Variants in NRG1 observed in about 807,000 individuals in gnomAD.
The protein encoded by NRG1 is neuregulin 1, also known as pro-neuregulin-1, membrane-bound isoform.
NRG1 carries 18 observed loss-of-function variants against 63.8 expected under a neutral mutation model. The observed-to-expected ratio is 0.28, with a 90% CI of 0.19 to 0.42. NRG1 has a LOEUF of 0.42. NRG1 is among the 10% of genes least tolerant of loss of function. The probability of loss-of-function intolerance (pLI) is 1.00; values close to 1 mark genes in which losing one functional copy is unlikely to be tolerated. For synonymous variants in NRG1, 302 were observed against 301.3 expected, an observed-to-expected ratio of 1.00 and a Z score of -0.02; for missense variants, 762 against 814.7, an observed-to-expected ratio of 0.94 and a Z score of 0.79.
At position 32,594,872 on chromosome 8, in the gene NRG1, C is replaced by T. The variant is rs375337153; in HGVS notation, c.101-956C>T. 6.6e-5 allele frequency among the ~76,000 whole-genome samples: 10 copies of T among 152,234 alleles called. No individual in the cohort carries two copies. The East Asian group carries it at 1.4e-3, about 21-fold the overall frequency. On this transcript the variant is annotated intron_variant, in intron 1 of 11. Transcript: ENST00000356819. ...GTATGGGATAGAAACTCTGTAGGTC[C>T]AGTCAAAGAGTGATAGCATCAGAGA...
intron 1 of NRG1, among the ~76,000 whole-genome samples, chr8:32,364,957 CTTTTTTTT>C: frequency 9.2e-6 from 1 of 108,442 alleles, no homozygotes; most frequent in East Asian, 3.1e-4. Context: ...CCCTTTACTA[CTTTTTTTT>C]TTTTTTTTTT....
At chr8:32,692,658 A>T (rs1160408096) in intron 5 of NRG1, among the ~76,000 whole-genome samples, 1 of 152,202 alleles carries the variant, frequency 6.6e-6, no homozygotes, top group Non-Finnish European at 1.5e-5. Context: ...GGCCCAAATG[A>T]GCTTTCTCTT....
Position 32,275,528 on chromosome 8 carries a change from A to G in NRG1, c.38-320300A>G, listed in dbSNP as rs557628911. On this transcript the variant is annotated intron_variant, in intron 1 of 10. Coordinates refer to the NRG1 transcript ENST00000519301. ...TGAAAGGACATTAAGACGGAGCTGA[A>G]GGAAGGGAGAGAGTGGATGAAAGAG... Among the ~76,000 whole-genome samples the G allele has an allele frequency of 2.0e-5, 3 of 152,252 alleles. No homozygotes were observed. The South Asian group carries it at 6.2e-4, about 32-fold the overall frequency.
chr8:32,132,786 T>C (rs1405160892), intron 1 of NRG1, among the ~76,000 whole-genome samples: 1 of 152,106 alleles, frequency 6.6e-6, no homozygotes, highest in Non-Finnish European at 1.5e-5. Context: ...AAATAGAGAA[T>C]TCGCTTCCTG....
intron 1 of NRG1, among the ~76,000 whole-genome samples, chr8:32,511,400 A>ATATATATATATAT (rs1554567530): frequency 9.2e-6 from 1 of 108,556 alleles, no homozygotes; most frequent in African/African-American, 3.2e-5. Context: ...TATATATATA[A>ATATATATATATAT]ATAAAATAAA....
intron 1 of NRG1, among the ~76,000 whole-genome samples, chr8:31,776,807 C>T (rs1019436567): frequency 2.0e-5 from 3 of 151,896 alleles, no homozygotes; most frequent in East Asian, 1.9e-4. Flanking sequence ...TTTGTCCTTG[C>T]GATAGTTTGC....
At chr8:32,753,341 A>G (rs1046109712) in intron 7 of NRG1, among the ~76,000 whole-genome samples, 1 of 152,210 alleles carries the variant, frequency 6.6e-6, no homozygotes, top group Non-Finnish European at 1.5e-5. Context: ...ACCTTAGTAT[A>G]ATCAACTTAT....
At chr8:31,769,637 T>C (rs903096882) in intron 1 of NRG1, among the ~76,000 whole-genome samples, 1 of 152,158 alleles carries the variant, frequency 6.6e-6, no homozygotes, top group Non-Finnish European at 1.5e-5. Context: ...TGAGTCCCCT[T>C]GAAGTAGGGG....
chr8:31,939,649 C>T (rs780083524), intron 1 of NRG1, among the ~76,000 whole-genome samples: 10 of 152,002 alleles, frequency 6.6e-5, no homozygotes, highest in African/African-American at 1.4e-4. Flanking sequence ...CATTCACCAA[C>T]CAAGTTTTCT....
rs184172943 is a variant in NRG1 at position 32,349,538 on chromosome 8, C to A, written c.38-246290C>A. On this transcript the variant is annotated intron_variant, in intron 1 of 10. Coordinates refer to the NRG1 transcript ENST00000519301. ...TCTTTGCCAATATTTGGGAGTTTCA[C>A]AGAGCATTTCTAGATAATGAGGGAT... 3.9e-5 allele frequency among the ~76,000 whole-genome samples: 6 copies of A among 152,164 alleles called. No homozygotes were observed. The East Asian group carries it at 1.2e-3, about 29-fold the overall frequency.
intron 1 of NRG1, among the ~76,000 whole-genome samples, chr8:32,216,342 G>A (rs558768189): frequency 4.9e-4 from 73 of 149,260 alleles, no homozygotes; most frequent in Middle Eastern, 3.6e-3. Flanking sequence ...ATTTGTCTCT[G>A]ACAGTATTAA....
intron 1 of NRG1, among the ~76,000 whole-genome samples, chr8:32,302,756 A>T (rs375902923): frequency 3.0e-5 from 4 of 134,780 alleles, no homozygotes; most frequent in Non-Finnish European, 1.6e-5. Flanking sequence ...CCATATGCCA[A>T]TTTTTTTCTT....
intron 5 of NRG1, among the ~76,000 whole-genome samples, chr8:32,658,214 A>T (rs1801992312): frequency 6.6e-6 from 1 of 152,198 alleles, no homozygotes; most frequent in East Asian, 1.9e-4. Flanking sequence ...CAATACAAGG[A>T]TTCTCAAAAT....
At chr8:32,030,260 T>C (rs1434607520) in intron 1 of NRG1, 1 of 152,192 alleles carries the variant, frequency 6.6e-6, no homozygotes, top group Non-Finnish European at 1.5e-5. Flanking sequence ...TGCATGTTAA[T>C]GTTATGTGGT....
At chr8:32,570,869 A>G (rs1838443250) in intron 1 of NRG1, among the ~76,000 whole-genome samples, 3 of 152,242 alleles carry the variant, frequency 2.0e-5, no homozygotes, top group African/African-American at 7.2e-5. Flanking sequence ...GGTAACAGAC[A>G]GGAGTGTAGG....
intron 1 of NRG1, among the ~76,000 whole-genome samples, chr8:31,685,732 G>A (rs1027591970): frequency 9.2e-5 from 14 of 152,098 alleles, no homozygotes; most frequent in Non-Finnish European, 1.0e-4. Context: ...TCATTCTGGA[G>A]ATTACATAGA....
At chr8:32,750,343 A>G (rs964697019) in intron 7 of NRG1, among the ~76,000 whole-genome samples, 2 of 152,170 alleles carry the variant, frequency 1.3e-5, no homozygotes, top group African/African-American at 2.4e-5. Context: ...CAAAATTTGG[A>G]CACACTTTTT....
intron 1 of NRG1, among the ~76,000 whole-genome samples, chr8:32,333,172 C>T (rs1232592073): frequency 2.0e-5 from 3 of 152,130 alleles, no homozygotes; most frequent in African/African-American, 4.8e-5. Flanking sequence ...ACCTTTTATT[C>T]TCTCATAGGC....
intron 3 of NRG1, among the ~76,000 whole-genome samples, chr8:32,612,578 C>A (rs1243166379): frequency 6.6e-6 from 1 of 150,476 alleles, no homozygotes; most frequent in Non-Finnish European, 1.5e-5. Flanking sequence ...ACCTCCTGTT[C>A]TGGTATTTTT....
Sources: gnomAD v4.1 joint callset for allele counts (sites outside exome capture counted in the v4.1 genomes callset) on GRCh38, gnomAD v4.1.1 for gene constraint, MANE v1.5 for transcripts, NCBI Gene and HGNC (gene_info 2026-07-23, HGNC 2026-07-21) for gene names.